Variants in GPR176 observed in about 807,000 individuals in gnomAD.
GPR176 encodes the protein G-protein coupled receptor 176.
A neutral mutation model predicts 35.4 loss-of-function variants in GPR176; 26 were observed. That is an observed-to-expected ratio of 0.74 (90% CI 0.54 to 1.02). The LOEUF (loss-of-function observed/expected upper bound fraction) is 1.02, where lower values mean the gene tolerates loss of function less well. GPR176 is among the 50% of genes least tolerant of loss of function. The probability of loss-of-function intolerance (pLI) is 0.00; values close to 1 mark genes in which losing one functional copy is unlikely to be tolerated. For missense variants in GPR176, 597 were observed against 665.3 expected, an observed-to-expected ratio of 0.90 and a Z score of 1.13; for synonymous variants, 278 against 271.3, an observed-to-expected ratio of 1.02 and a Z score of -0.24.
chr15:39,904,270 C>T (rs142592551), intron 1 of GPR176, among the ~76,000 whole-genome samples: 13 of 152,234 alleles, frequency 8.5e-5, no homozygotes, highest in East Asian at 1.9e-4. Context: ...GAATGCAGCC[C>T]GGCAGATTTC....
rs138012036 is a variant in GPR176, at chr15:39,915,537, G to A, written c.172+4318C>T. 1.1e-4 allele frequency among the ~76,000 whole-genome samples: 17 copies of A among 152,168 alleles called. No homozygotes were observed. The East Asian group carries it at 2.5e-3, about 22-fold the overall frequency. ...CTTAAGAATAAGAACCATACATTTTGCGGTCTAGCCAGACAAAGGAAAGCT... is the reference window on the plus strand; with the variant it reads ...CTTAAGAATAAGAACCATACATTTTACGGTCTAGCCAGACAAAGGAAAGCT... On this transcript the variant is annotated intron_variant, in intron 1 of 2. Coordinates refer to ENST00000561100, the MANE Select transcript of GPR176 (RefSeq NM_007223.3).
chr15:39,905,811 C>T (rs1046392532), intron 1 of GPR176, among the ~76,000 whole-genome samples: 2 of 144,168 alleles, frequency 1.4e-5, no homozygotes, highest in Admixed American at 6.9e-5. Context: ...AGGAGGGGAT[C>T]GGGTGGGAGG....
At chr15:39,803,517 C>A (rs555438624) in intron 2 of GPR176, among the ~76,000 whole-genome samples, 3 of 151,784 alleles carry the variant, frequency 2.0e-5, no homozygotes, top group Non-Finnish European at 4.4e-5. Context: ...CTAACCTCAG[C>A]TGATCCACCC....
chr15:39,877,749 A>G lies in GPR176; in HGVS notation c.172+42106T>C, dbSNP rs562658886. ...CTAATTTTTGTATTTTTTGGCAGAG[A>G]TGGGGTTTCACAATATTAGCCAGGC... On this transcript the variant is annotated intron_variant, in intron 1 of 2. Transcript: ENST00000561100. Among the ~76,000 whole-genome samples the G allele has an allele frequency of 2.4e-4, 37 of 151,930 alleles. 1 individual carries two copies. The East Asian group carries it at 6.2e-3, about 25-fold the overall frequency.
chr15:39,823,874 G>A (rs953553807), intron 1 of GPR176, among the ~76,000 whole-genome samples: 6 of 152,172 alleles, frequency 3.9e-5, no homozygotes, highest in African/African-American at 4.8e-5. Context: ...GCAGCCCCAT[G>A]GGCCTTCACT....
intron 1 of GPR176, among the ~76,000 whole-genome samples, chr15:39,854,098 G>A (rs1198471775): frequency 6.6e-6 from 1 of 152,088 alleles, no homozygotes; most frequent in African/African-American, 2.4e-5. Flanking sequence ...GGGAGAGTCT[G>A]TAATACATTC....
At chr15:39,821,209 C>G (rs999071241) in intron 1 of GPR176, among the ~76,000 whole-genome samples, 1 of 151,866 alleles carries the variant, frequency 6.6e-6, no homozygotes, top group African/African-American at 2.4e-5. Context: ...TTTGAAAATG[C>G]TATTAGCCTG....
At chr15:39,847,722 G>A in intron 1 of GPR176, among the ~76,000 whole-genome samples, 1 of 105,880 alleles carries the variant, frequency 9.4e-6, no homozygotes, top group Non-Finnish European at 1.7e-5. Context: ...CAGCCTGGGT[G>A]ACAAAGCGAG....
At chr15:39,856,964 C>T (rs948966586) in intron 1 of GPR176, among the ~76,000 whole-genome samples, 3 of 151,964 alleles carry the variant, frequency 2.0e-5, no homozygotes, top group East Asian at 1.9e-4. Context: ...GGGAAGATTC[C>T]GGTGCACAGT....
chr15:39,820,863 T>C (rs958124437), intron 1 of GPR176, among the ~76,000 whole-genome samples: 6 of 152,216 alleles, frequency 3.9e-5, no homozygotes, highest in African/African-American at 1.4e-4. Flanking sequence ...GGGAGACTTA[T>C]TTCAGTTCCA....
chr15:39,866,650 TA>T (rs1038893756), intron 1 of GPR176, among the ~76,000 whole-genome samples: 7 of 152,198 alleles, frequency 4.6e-5, no homozygotes, highest in Admixed American at 1.3e-4. Flanking sequence ...AATATATGTA[TA>T]AAAGTACCAA....
intron 1 of GPR176, among the ~76,000 whole-genome samples, chr15:39,819,447 T>C (rs1380175151): frequency 6.6e-6 from 1 of 152,230 alleles, no homozygotes; most frequent in Non-Finnish European, 1.5e-5. Context: ...GGTTGCTTCA[T>C]AAAGACCTAA....
In GPR176 at chr15:39,809,619, T is replaced by C. The variant is rs1040382399; in HGVS notation, c.173-2361A>G. ...TCTACCCTAGAAATGATCTAAGCTCTGGAACCATTCCAATTCCCTATGTAT... is the reference window on the plus strand; with the variant it reads ...TCTACCCTAGAAATGATCTAAGCTCCGGAACCATTCCAATTCCCTATGTAT... On this transcript the variant is annotated intron_variant, in intron 1 of 2. Coordinates refer to ENST00000561100, the MANE Select transcript of GPR176 (RefSeq NM_007223.3). Among the ~76,000 whole-genome samples, 12 of 152,226 alleles carry C rather than the reference T, an allele frequency of 7.9e-5. No individual in the cohort carries two copies. The East Asian group carries it at 2.3e-3, about 29-fold the overall frequency.
intron 1 of GPR176, among the ~76,000 whole-genome samples, chr15:39,918,142 T>C (rs979202349): frequency 1.3e-5 from 2 of 152,120 alleles, no homozygotes; most frequent in African/African-American, 4.8e-5. Context: ...AAGAAGGTTT[T>C]GCATGTCACT....
intron 1 of GPR176, among the ~76,000 whole-genome samples, chr15:39,814,411 A>G (rs1899764037): frequency 6.6e-6 from 1 of 152,178 alleles, no homozygotes; most frequent in Non-Finnish European, 1.5e-5. Flanking sequence ...TAAAATTTGT[A>G]TTTGCGTCTA....
intron 1 of GPR176, among the ~76,000 whole-genome samples, chr15:39,898,977 T>C (rs578096676): frequency 6.5e-4 from 99 of 152,210 alleles, no homozygotes; most frequent in African/African-American, 2.4e-3. Context: ...TTGAGAGCAC[T>C]ACCCACTAGA....
At position 39,920,108 on chromosome 15, in the gene GPR176, C is replaced by G. The variant is rs545538455; in HGVS notation, c.-82G>C. On this transcript the variant is annotated 5_prime_UTR_variant, in exon 1 of 3. Coordinates refer to ENST00000561100, the MANE Select transcript of GPR176 (RefSeq NM_007223.3). ...CTCTCCTCCTCCGGGTGAGGAGGGA[C>G]GCGCGGGCGCCTGGCGGAGTCCTGG... 63 of 973,338 alleles carry G rather than the reference C, an allele frequency of 6.5e-5. No homozygotes were observed. In the African/African-American group the frequency reaches 8.8e-4, roughly 14 times the overall value. 60.3% of individuals were successfully genotyped at this position (973,338 alleles called of 1,614,324 possible). A position where few individuals can be genotyped will look rare whatever the true frequency, so the allele number is the denominator to read the frequency against.
At chr15:39,824,014 A>T (rs949812360) in intron 1 of GPR176, among the ~76,000 whole-genome samples, 1 of 152,180 alleles carries the variant, frequency 6.6e-6, no homozygotes, top group African/African-American at 2.4e-5. Flanking sequence ...GAGATGTTTG[A>T]GTCATGGGGG....
At chr15:39,913,902 C>T (rs572705795) in intron 1 of GPR176, among the ~76,000 whole-genome samples, 11 of 151,958 alleles carry the variant, frequency 7.2e-5, no homozygotes, top group South Asian at 2.1e-4. Context: ...AAACATTAGC[C>T]GGGCATGGTG....
Sources: gnomAD v4.1 joint callset for allele counts (sites outside exome capture counted in the v4.1 genomes callset) on GRCh38, gnomAD v4.1.1 for gene constraint, MANE v1.5 for transcripts, NCBI Gene and HGNC (gene_info 2026-07-23, HGNC 2026-07-21) for gene names.